JARID2: variants seen among roughly 807,000 people sequenced by gnomAD.
The protein encoded by JARID2 is protein Jumonji.
Under a neutral mutation model 125.6 loss-of-function variants are expected in JARID2, and 21 were observed. The observed-to-expected ratio is 0.17, with a 90% CI of 0.12 to 0.24. JARID2 has a LOEUF of 0.24. JARID2 is among the 10% of genes least tolerant of loss of function. The probability of loss-of-function intolerance (pLI) is 1.00; values close to 1 mark genes in which losing one functional copy is unlikely to be tolerated. For missense variants in JARID2, 1,303 were observed against 1,639.6 expected, an observed-to-expected ratio of 0.79 and a Z score of 3.55; for synonymous variants, 736 against 661.6, an observed-to-expected ratio of 1.11 and a Z score of -1.73.
intron 8 of JARID2, 75 bp downstream of exon 8, chr6:15,501,484 A>G (rs1197471274): frequency 2.1e-6 from 3 of 1,405,070 alleles, no homozygotes; most frequent in African/African-American, 1.4e-5. Context: ...GGAGCGTGCT[A>G]TGCACTGGAC....
chr6:15,291,097 G>A (rs1011463153), intron 1 of JARID2, among the ~76,000 whole-genome samples: 7 of 152,130 alleles, frequency 4.6e-5, no homozygotes, highest in East Asian at 1.9e-4. Flanking sequence ...TTAATCAGCC[G>A]TGGCGGTGCA....
intron 3 of JARID2, among the ~76,000 whole-genome samples, chr6:15,413,928 C>CA (rs1465025598): frequency 6.6e-6 from 1 of 152,188 alleles, no homozygotes; most frequent in African/African-American, 2.4e-5. Context: ...CTTTGGGGGC[C>CA]ACATTCAGAT....
At chr6:15,510,608 A>G (rs962084885) in intron 12 of JARID2, among the ~76,000 whole-genome samples, 2 of 152,118 alleles carry the variant, frequency 1.3e-5, no homozygotes, top group African/African-American at 4.8e-5. Context: ...TGAGCCCTTG[A>G]TCCTCCTGTG....
chr6:15,391,077 G>GA (rs1764982031), intron 2 of JARID2, among the ~76,000 whole-genome samples: 1 of 152,192 alleles, frequency 6.6e-6, no homozygotes, highest in Non-Finnish European at 1.5e-5. Context: ...AGTACCCCGT[G>GA]ACTTCCTATT....
chr6:15,321,515 T>C (rs1157022658), intron 1 of JARID2, among the ~76,000 whole-genome samples: 1 of 152,200 alleles, frequency 6.6e-6, no homozygotes, highest in Non-Finnish European at 1.5e-5. Flanking sequence ...GTTTCTTAAA[T>C]GTGGGTGGCA....
chr6:15,377,933 T>G (rs1201804973), intron 2 of JARID2, among the ~76,000 whole-genome samples: 1 of 151,434 alleles, frequency 6.6e-6, no homozygotes, highest in Non-Finnish European at 1.5e-5. Context: ...GTTGCCTGGC[T>G]GGAGTACAGT....
intron 2 of JARID2, among the ~76,000 whole-genome samples, chr6:15,408,891 A>G (rs1454098785): frequency 6.6e-6 from 1 of 152,130 alleles, no homozygotes; most frequent in Admixed American, 6.5e-5. Context: ...GCAGACTCCC[A>G]GCATTTTCTT....
At chr6:15,321,825 CT>C (rs1451768616) in intron 1 of JARID2, among the ~76,000 whole-genome samples, 1 of 99,084 alleles carries the variant, frequency 1.0e-5, no homozygotes, top group Non-Finnish European at 1.8e-5. Flanking sequence ...TGGAGTCTCA[CT>C]TTGTCGCCCA....
At position 15,246,368 on chromosome 6, in the gene JARID2, G is replaced by C; in HGVS notation, c.-172G>C. The stretch of plus-strand genomic sequence containing the variant: ...TCTTTTTTTTTCCTTCCCAATTTCG[G>C]ATTTATTTCAAGGCGAATCTGGCTT... On this transcript the variant is annotated 5_prime_UTR_variant, in exon 1 of 18. Transcript: ENST00000341776. 2 of 569,050 alleles carry C rather than the reference G, an allele frequency of 3.5e-6. No individual in the cohort carries two copies. Among genetic ancestry groups the C allele is most frequent in the Non-Finnish European group, 6.2e-6 (2 of 321,378 alleles). The allele number at this position is 569,050 out of a possible 1,614,324, so 35.3% of individuals were successfully genotyped here.
At position 15,520,199 on chromosome 6, in the gene JARID2, C is replaced by A. The variant is rs553561960; in HGVS notation, c.3689C>A (p.Pro1230His). ...AAGAGAGCGACAGTGGACGTGCCCC[C>A]CTCCCGTCTGTCAGCCTCCAGTTCA... Reference protein sequence around the residue: ...PRKRATVDVPPSRLSASSSSK... With the variant: ...PRKRATVDVPHSRLSASSSSK... Residue 1230 changes from proline (P) to histidine (H), a missense_variant, in exon 18 of 18, where the codon CCC (proline) becomes CAC (histidine). Coordinates refer to ENST00000341776, the MANE Select transcript of JARID2 (RefSeq NM_004973.4). 3.7e-6 allele frequency: 6 copies of A among 1,613,532 alleles called. No individual in the cohort carries two copies. Among genetic ancestry groups the A allele is most frequent in the East Asian group, 2.2e-5 (1 of 44,794 alleles).
chr6:15,437,571 T>TC (rs374907277), intron 3 of JARID2, among the ~76,000 whole-genome samples: 372 of 152,258 alleles, frequency 2.4e-3, no homozygotes, highest in African/African-American at 8.6e-3. Context: ...AGGAACTTTT[T>TC]CTCTACCCTC....
At chr6:15,337,610 A>G (rs1023671293) in intron 1 of JARID2, among the ~76,000 whole-genome samples, 1 of 152,226 alleles carries the variant, frequency 6.6e-6, no homozygotes, top group African/African-American at 2.4e-5. Context: ...TGAACTGGGA[A>G]AAGACATAAG....
chr6:15,403,747 C>A (rs1257674358), intron 2 of JARID2, among the ~76,000 whole-genome samples: 1 of 151,910 alleles, frequency 6.6e-6, no homozygotes, highest in Non-Finnish European at 1.5e-5. Context: ...GGGGCGGATT[C>A]TGGTGGTGGT....
At chr6:15,331,598 G>C (rs978113018) in intron 1 of JARID2, among the ~76,000 whole-genome samples, 4 of 151,888 alleles carry the variant, frequency 2.6e-5, no homozygotes, top group African/African-American at 9.7e-5. Flanking sequence ...GGGTGCAGTG[G>C]CTCACGTCTG....
Position 15,425,576 on chromosome 6 carries a change from G to C in JARID2, c.323+15211G>C, listed in dbSNP as rs6915376. Among the ~76,000 whole-genome samples, 1,097 of 152,180 alleles carry C rather than the reference G, an allele frequency of 7.2e-3. 14 individuals are homozygous for C. The highest frequency in any genetic ancestry group is 0.025 in the African/African-American group (1,043 of 41,516). ...GATTCATACCTTTATCATGGGAGTG[G>C]ATTCCTTATAGAAGGACAAGATAGG... On this transcript the variant is annotated intron_variant, in intron 3 of 17. Coordinates refer to ENST00000341776, the MANE Select transcript of JARID2 (RefSeq NM_004973.4).
At chr6:15,428,435 A>G (rs1034752715) in intron 3 of JARID2, among the ~76,000 whole-genome samples, 2 of 152,004 alleles carry the variant, frequency 1.3e-5, no homozygotes, top group African/African-American at 4.8e-5. Flanking sequence ...GCCACCCCAC[A>G]ACAGGCCCTG....
intron 4 of JARID2, among the ~76,000 whole-genome samples, chr6:15,454,372 T>G (rs1320460391): frequency 6.6e-6 from 1 of 152,220 alleles, no homozygotes; most frequent in African/African-American, 2.4e-5. Flanking sequence ...AATGTATTTG[T>G]TAGAAATTTT....
At chr6:15,435,154 G>C (rs1767147711) in intron 3 of JARID2, among the ~76,000 whole-genome samples, 1 of 152,130 alleles carries the variant, frequency 6.6e-6, no homozygotes, top group South Asian at 2.1e-4. Context: ...GACATCTGCT[G>C]GGTTTTCCTC....
chr6:15,340,193 T>G (rs1291122314), intron 1 of JARID2, among the ~76,000 whole-genome samples: 1 of 152,198 alleles, frequency 6.6e-6, no homozygotes, highest in Non-Finnish European at 1.5e-5. Context: ...GTCTATAAAG[T>G]TATTAAAGAA....
Sources: allele counts gnomAD v4.1 joint callset (sites outside exome capture counted in the v4.1 genomes callset), GRCh38; gene constraint gnomAD v4.1.1; transcripts MANE v1.5; gene names NCBI Gene and HGNC (gene_info 2026-07-23, HGNC 2026-07-21).